CNN2: variants seen among roughly 807,000 people sequenced by gnomAD.
The protein encoded by CNN2 is calponin 2.
Under a neutral mutation model 31.0 loss-of-function variants are expected in CNN2, and 21 were observed. The ratio of observed to expected loss-of-function variants is 0.68; its 90% CI spans 0.48 to 0.98. The LOEUF is 0.98. CNN2 is among the 50% of genes least tolerant of loss of function. The probability of loss-of-function intolerance (pLI) is 0.00; values close to 1 mark genes in which losing one functional copy is unlikely to be tolerated. For missense variants in CNN2, 399 were observed against 427.3 expected, an observed-to-expected ratio of 0.93 and a Z score of 0.58; for synonymous variants, 165 against 179.6, an observed-to-expected ratio of 0.92 and a Z score of 0.65.
rs2039464553 is a variant in CNN2, at chr19:1,030,183, C to G, written c.64-888C>G. On this transcript the variant is annotated intron_variant, in intron 1 of 6. Coordinates refer to ENST00000263097, the MANE Select transcript of CNN2 (RefSeq NM_004368.4). ...CACCCACTGCCCAGGAGCACACAGC[C>G]CATTCCCCACGGCGGTGTCTCAGAG... 4.6e-5 allele frequency among the ~76,000 whole-genome samples: 7 copies of G among 152,298 alleles called. No homozygotes were observed. In the South Asian group the frequency reaches 1.4e-3, roughly 32 times the overall value.
chr19:1,027,899 C>T (rs1014632686), intron 1 of CNN2, among the ~76,000 whole-genome samples: 3 of 152,224 alleles, frequency 2.0e-5, no homozygotes, highest in Admixed American at 1.3e-4. Flanking sequence ...ATTCCTGCTT[C>T]CCCGCTGTGA....
rs1275964241 is a variant in CNN2 at position 1,036,113 on chromosome 19, C to A, written c.391-17C>A. The A allele has an allele frequency of 6.3e-7, 1 of 1,591,568 alleles. No homozygotes were observed. Among genetic ancestry groups the A allele is most frequent in the Non-Finnish European group, 8.6e-7 (1 of 1,167,724 alleles). ...GCTGCCCTCTGCTGGTACTCCCGGC[C>A]CCTTTCCCTCACCCAGGCCAAGACT... On this transcript the variant is annotated splice_polypyrimidine_tract_variant and intron_variant, in intron 4 of 6. Coordinates refer to ENST00000263097, the MANE Select transcript of CNN2 (RefSeq NM_004368.4).
At position 1,036,170 on chromosome 19, in the gene CNN2, TCAAGTACTCGGAGAAGCAGGAG is replaced by T. The variant is rs772285936; in HGVS notation, c.433_454del (p.Lys145GlyfsTer8). The T allele has an allele frequency of 2.5e-6, 4 of 1,572,142 alleles. No homozygotes were observed. In the South Asian group the frequency reaches 4.7e-5, roughly 18 times the overall value. On this transcript the variant is annotated frameshift_variant, in exon 5 of 7. Transcript: ENST00000263097. LOFTEE classifies it high-confidence loss of function. ...CTGCAGAGCGGGGTGGACATTGGCG[TCAAGTACTCGGAGAAGCAGGAG>T]CGGAATTTCGACGATGCCACCATGA... is the stretch of plus-strand genomic sequence containing the variant.
chr19:1,035,253 T>G (rs7252752), intron 4 of CNN2, among the ~76,000 whole-genome samples: 1 of 116,628 alleles, frequency 8.6e-6, no homozygotes, highest in African/African-American at 3.1e-5. Flanking sequence ...TGGTGTAGAA[T>G]GGAATGGGAG....
At position 1,038,981 on chromosome 19, in the gene CNN2, C is replaced by T. The variant is rs2039688389; in HGVS notation, c.*1081C>T. The T allele has an allele frequency of 1.3e-5, 2 of 152,364 alleles. 1 individual carries two copies. Among genetic ancestry groups the T allele is most frequent in the South Asian group, 4.1e-4 (2 of 4,848 alleles). 9.4% of individuals were successfully genotyped at this position (152,364 alleles called of 1,614,324 possible). A position where few individuals can be genotyped will look rare whatever the true frequency, so the allele number is the denominator to read the frequency against. On this transcript the variant is annotated 3_prime_UTR_variant, in exon 7 of 7. Coordinates refer to ENST00000263097, the MANE Select transcript of CNN2 (RefSeq NM_004368.4). ...TGCCCCGCCAAGTACTGCACAGGGA[C>T]CCCCCACCCAGGGGACCTGCTCCGT...
chr19:1,026,846 G>A, intron 1 of CNN2, 122 bp downstream of exon 1: 1 of 957,208 alleles, frequency 1.0e-6, no homozygotes, highest in South Asian at 1.8e-5. Context: ...CGGGGCGGAC[G>A]GGCCCTTGTT....
In CNN2 at chr19:1,032,241, A is replaced by C. The variant is rs1010474827; in HGVS notation, c.186-151A>C. The C allele has an allele frequency of 2.9e-4, 264 of 918,390 alleles. 1 individual carries two copies. The African/African-American group carries it at 4.0e-3, about 14-fold the overall frequency. 56.9% of individuals were successfully genotyped at this position (918,390 alleles called of 1,614,324 possible). ...CAGAGCTAGACGCCGTCTCAAAAAA[A>C]AAAAAAAAAAGAGTGGAAACTGAGG... On this transcript the variant is annotated intron_variant, in intron 2 of 6. Transcript: ENST00000263097.
chr19:1,034,246 GGGACAC>G, intron 4 of CNN2, among the ~76,000 whole-genome samples: 1 of 8,866 alleles, frequency 1.1e-4, no homozygotes, highest in Non-Finnish European at 2.0e-4. Flanking sequence ...AAGCGTGGGT[GGGACAC>G]GGTGTCTGGT....
At chr19:1,026,763 C>T (rs1203271432) in intron 1 of CNN2, 39 bp downstream of exon 1, 41 of 1,537,360 alleles carry the variant, frequency 2.7e-5, no homozygotes, top group Non-Finnish European at 3.4e-5. Context: ...GACAGCGCGG[C>T]CGTCGCACGC....
chr19:1,036,315 A>T, intron 5 of CNN2, 69 bp downstream of exon 5: 1 of 1,571,162 alleles, frequency 6.4e-7, no homozygotes, highest in Non-Finnish European at 8.7e-7. Flanking sequence ...GGACAGCAGC[A>T]TTGGGGGACA....
rs1568177828 is a variant in CNN2 at position 1,036,161 on chromosome 19, AC to A, written c.423del (p.Asp141GlufsTer19). 6.2e-7 allele frequency: 1 copy of A among 1,612,634 alleles called. No individual in the cohort carries two copies. The highest frequency in any genetic ancestry group is 2.2e-5 in the East Asian group (1 of 44,850). On this transcript the variant is annotated frameshift_variant, in exon 5 of 7. Coordinates refer to ENST00000263097, the MANE Select transcript of CNN2 (RefSeq NM_004368.4). LOFTEE classifies it high-confidence loss of function. ...AKTKGLQSGV[D>X]IGVKYSEKQE... is the part of the protein sequence containing the mutation. ...ACTAAGGGGCTGCAGAGCGGGGTGG[AC>A]ATTGGCGTCAAGTACTCGGAGAAGC...
At chr19:1,031,239 G>C in intron 2 of CNN2, 47 bp downstream of exon 2, 1 of 1,467,844 alleles carries the variant, frequency 6.8e-7, no homozygotes, top group Non-Finnish European at 9.1e-7. Context: ...AACAAATCTT[G>C]GTTTTTCTCA....
intron 6 of CNN2, 86 bp downstream of exon 6, chr19:1,036,648 T>C: frequency 6.5e-7 from 1 of 1,526,882 alleles, no homozygotes; most frequent in Middle Eastern, 1.7e-4. Flanking sequence ...CACCTCCAGC[T>C]TCTCTCCCCA....
At position 1,038,093 on chromosome 19, in the gene CNN2, C is replaced by G; in HGVS notation, c.*193C>G. The G allele has an allele frequency of 4.9e-6, 3 of 611,614 alleles. No homozygotes were observed. The allele number at this position is 611,614 out of a possible 1,614,324, so 37.9% of individuals were successfully genotyped here. On this transcript the variant is annotated 3_prime_UTR_variant, in exon 7 of 7. Transcript: ENST00000263097. ...CTTGATCCTTCGCAAGGCTGAGCCA[C>G]TGGGCTGTGGGGGAAGGGGTCAAGG...
intron 2 of CNN2, 74 bp from the exon 3 acceptor site, chr19:1,032,318 C>T: frequency 6.4e-7 from 1 of 1,572,176 alleles, no homozygotes; most frequent in Non-Finnish European, 8.7e-7. Flanking sequence ...TGGCTGAGAT[C>T]AGCATCGGGT....
In CNN2 at chr19:1,026,636, C is replaced by T; in HGVS notation, c.-26C>T. 1 of 1,528,496 alleles carries T rather than the reference C, an allele frequency of 6.5e-7. No homozygotes were observed. The allele number at this position is 1,528,496 out of a possible 1,614,324, so 94.7% of individuals were successfully genotyped here. On this transcript the variant is annotated 5_prime_UTR_variant, in exon 1 of 7. Coordinates refer to ENST00000263097, the MANE Select transcript of CNN2 (RefSeq NM_004368.4). ...CCCGTCCCGTCCCGTCCTGTGCGGCCCCGTCCCGCCGCCCGCCCGCCAGCC... is the reference window on the plus strand; with the variant it reads ...CCCGTCCCGTCCCGTCCTGTGCGGCTCCGTCCCGCCGCCCGCCCGCCAGCC...
rs1302945316 is a variant in CNN2, at chr19:1,031,193, G to A, written c.185+1G>A. The A allele has an allele frequency of 2.5e-6, 4 of 1,607,488 alleles. No homozygotes were observed. Among genetic ancestry groups the A allele is most frequent in the Middle Eastern group, 1.7e-4 (1 of 6,042 alleles). On this transcript the variant is annotated splice_donor_variant, in intron 2 of 6. Coordinates refer to ENST00000263097, the MANE Select transcript of CNN2 (RefSeq NM_004368.4). LOFTEE classifies it high-confidence loss of function. ...TGAAGGATGGAACTATCTTATGCAC[G>A]TGAGTACACGCAGGGACACAGGCTG...
chr19:1,037,903 C>T lies in CNN2; in HGVS notation c.*3C>T, dbSNP rs2039623045. 6.4e-7 allele frequency: 1 copy of T among 1,567,738 alleles called. No individual in the cohort carries two copies. The highest frequency in any genetic ancestry group is 8.7e-7 in the Non-Finnish European group (1 of 1,153,902). On this transcript the variant is annotated 3_prime_UTR_variant, in exon 7 of 7. Coordinates refer to ENST00000263097, the MANE Select transcript of CNN2 (RefSeq NM_004368.4). ...ACCAGGAGGAGGCCGGCTACTGAGG[C>T]TCCCAGCACGCTCTCTCCCCACATC...
At chr19:1,032,198 G>A (rs1462896420) in intron 2 of CNN2, among the ~76,000 whole-genome samples, 194 bp from the exon 3 acceptor site, 8 of 147,262 alleles carry the variant, frequency 5.4e-5, no homozygotes, top group Non-Finnish European at 1.0e-4. Flanking sequence ...TAGTGCCATT[G>A]CACTCTAGTC....
Sources: gnomAD v4.1 joint callset for allele counts (sites outside exome capture counted in the v4.1 genomes callset) on GRCh38, gnomAD v4.1.1 for gene constraint, MANE v1.5 for transcripts, NCBI Gene and HGNC (gene_info 2026-07-23, HGNC 2026-07-21) for gene names.